PTBP3: variants seen among roughly 807,000 people sequenced by gnomAD.
The protein encoded by PTBP3 is polypyrimidine tract-binding protein 3.
In PTBP3, 20 loss-of-function variants were observed where a neutral mutation model predicts 58.7. That is an observed-to-expected ratio of 0.34 (90% CI 0.24 to 0.50). The LOEUF is 0.50. Among genes scored for constraint, PTBP3 ranks in the 20% least tolerant of loss-of-function variants. The pLI is 0.98. For synonymous variants in PTBP3, 185 were observed against 219.8 expected (o/e 0.84, Z 1.40); for missense variants, 509 against 637.2 (o/e 0.80, Z 2.17).
chr9:112,320,291 A>AAAAAAAATATATATATATATATATAT (rs1411646280), intron 1 of PTBP3, among the ~76,000 whole-genome samples: 1 of 73,568 alleles, frequency 1.4e-5, no homozygotes, highest in African/African-American at 9.0e-5. Context: ...AAAAAAAAAA[A>AAAAAAAATATATATATATATATATAT]ATATATATAT....
intron 1 of PTBP3, among the ~76,000 whole-genome samples, chr9:112,314,297 T>G (rs1442469319): frequency 2.0e-5 from 3 of 152,198 alleles, no homozygotes; most frequent in Non-Finnish European, 2.9e-5. Flanking sequence ...ATTACTGAGA[T>G]AAAAATGTAT....
rs1263396846 is a variant in PTBP3 at position 112,232,016 on chromosome 9, GAAGAA to G, written c.1020+78_1020+82del. The G allele has an allele frequency of 3.8e-3, 556 of 148,142 alleles. 65 individuals carry two copies. Among genetic ancestry groups the G allele is most frequent in the Non-Finnish European group, 4.9e-3 (513 of 104,102 alleles). The allele number at this position is 148,142 out of a possible 1,614,324, so 9.2% of individuals were successfully genotyped here. A position where few individuals can be genotyped will look rare whatever the true frequency, so the allele number is the denominator to read the frequency against. On this transcript the variant is annotated intron_variant, in intron 9 of 13. Coordinates refer to ENST00000374257, the MANE Select transcript of PTBP3 (RefSeq NM_001163788.4). ...GAAGAGAAGAGAAGAGAAGAGAAGA[GAAGAA>G]AAGAAAAGAAAGAAAGAAAAAAGTG...
intron 12 of PTBP3, 49 bp from the exon 13 acceptor site, chr9:112,224,259 G>A (rs768995568): frequency 6.6e-5 from 76 of 1,157,888 alleles, no homozygotes; most frequent in Middle Eastern, 4.1e-4. Context: ...ATTCTCAAGT[G>A]AAGCAGATTA....
At chr9:112,372,015 C>T in the PTBP3 span, among the ~76,000 whole-genome samples, 2 of 152,032 alleles carry the variant, frequency 1.3e-5, no homozygotes, top group Admixed American at 6.6e-5. Context: ...AAAAAGGGGG[C>T]TGGGTCTTGA....
chr9:112,291,154 G>A lies in PTBP3; in HGVS notation c.34+6678C>T, dbSNP rs140949070. Among the ~76,000 whole-genome samples, 1,310 of 152,132 alleles carry A rather than the reference G, an allele frequency of 8.6e-3. 22 individuals carry two copies. Among genetic ancestry groups the A allele is most frequent in the African/African-American group, 0.03 (1,248 of 41,500 alleles). ...GGATAATCACTTCAACCTGGGAGGC[G>A]GAGGTTGCAGTGAGCCAAGATTGTG... On this transcript the variant is annotated intron_variant, in intron 2 of 13. Coordinates refer to ENST00000374257, the MANE Select transcript of PTBP3 (RefSeq NM_001163788.4).
the PTBP3 span, among the ~76,000 whole-genome samples, chr9:112,375,798 G>C: frequency 6.6e-6 from 1 of 152,156 alleles, no homozygotes; most frequent in African/African-American, 2.4e-5. Flanking sequence ...GTTCATGATA[G>C]GCAGTTCAGG....
At chr9:112,340,261 C>T in the PTBP3 span, among the ~76,000 whole-genome samples, 2 of 152,194 alleles carry the variant, frequency 1.3e-5, no homozygotes, top group Non-Finnish European at 2.9e-5. Flanking sequence ...GTTTCTGAAA[C>T]TGTTTATTGT....
chr9:112,282,863 C>G (rs1347617425), intron 2 of PTBP3, among the ~76,000 whole-genome samples: 2 of 152,056 alleles, frequency 1.3e-5, no homozygotes, highest in Admixed American at 6.5e-5. Flanking sequence ...TCCCATAGTC[C>G]TGATGTGTCG....
intron 2 of PTBP3, among the ~76,000 whole-genome samples, chr9:112,295,331 A>G (rs1828629942): frequency 2.0e-5 from 3 of 151,786 alleles, no homozygotes; most frequent in African/African-American, 7.3e-5. Context: ...TGACAATGTT[A>G]TCAGGCTCTA....
At chr9:112,232,054 A>ACCTT in intron 9 of PTBP3, 45 bp downstream of exon 9, 1 of 1,511,048 alleles carries the variant, frequency 6.6e-7, no homozygotes, top group Non-Finnish European at 8.9e-7. Context: ...GTGCTACTAT[A>ACCTT]CCTTCTCCTG....
chr9:112,230,853 C>T (rs562609107), intron 10 of PTBP3, among the ~76,000 whole-genome samples: 35 of 152,272 alleles, frequency 2.3e-4, no homozygotes, highest in Admixed American at 1.2e-3. Flanking sequence ...AAACCTGAAT[C>T]GCATTATACC....
chr9:112,283,153 G>A (rs542599610), intron 2 of PTBP3, among the ~76,000 whole-genome samples: 7 of 152,280 alleles, frequency 4.6e-5, no homozygotes, highest in African/African-American at 1.7e-4. Flanking sequence ...TTATAGCAGT[G>A]TGAGAACAGA....
chr9:112,233,942 C>CAACA (rs111598131), intron 8 of PTBP3, among the ~76,000 whole-genome samples: 8 of 150,014 alleles, frequency 5.3e-5, no homozygotes, highest in African/African-American at 9.8e-5. Flanking sequence ...ACAACAACAA[C>CAACA]AAAAAAAAGA....
intron 1 of PTBP3, chr9:112,330,560 A>G (rs1007606048): frequency 6.0e-6 from 5 of 834,200 alleles, no homozygotes; most frequent in African/African-American, 1.8e-5. Context: ...AATAAAGGGG[A>G]AAAAGCATTA....
chr9:112,327,055 C>A (rs1819076585), intron 1 of PTBP3, among the ~76,000 whole-genome samples: 1 of 151,422 alleles, frequency 6.6e-6, no homozygotes, highest in African/African-American at 2.4e-5. Context: ...TTCGTCTCTA[C>A]AAAAAAACTT....
At chr9:112,320,314 A>ATATATATATATTTT in intron 1 of PTBP3, among the ~76,000 whole-genome samples, 1,684 of 75,424 alleles carry the variant, frequency 0.022, 42 homozygotes, top group Non-Finnish European at 0.032. Flanking sequence ...ATATATATAT[A>ATATATATATATTTT]TTTTTTTTTA....
the PTBP3 span, among the ~76,000 whole-genome samples, chr9:112,377,498 T>A: frequency 3.3e-5 from 5 of 152,210 alleles, no homozygotes; most frequent in Admixed American, 2.0e-4. Context: ...TTAGTTCCCA[T>A]TGTCAAGCTT....
At chr9:112,284,536 T>C (rs73539746) in intron 2 of PTBP3, among the ~76,000 whole-genome samples, 4 of 151,952 alleles carry the variant, frequency 2.6e-5, no homozygotes, top group Admixed American at 6.6e-5. Flanking sequence ...AGTCTGCTAA[T>C]AGCACAAAAA....
At chr9:112,363,893 C>T in the PTBP3 span, among the ~76,000 whole-genome samples, 2 of 152,102 alleles carry the variant, frequency 1.3e-5, no homozygotes, top group Admixed American at 1.3e-4. Context: ...TGTGTTGTAC[C>T]TTCTGTGAAT....
Sources: gnomAD v4.1 joint callset for allele counts (sites outside exome capture counted in the v4.1 genomes callset) on GRCh38, gnomAD v4.1.1 for gene constraint, MANE v1.5 for transcripts, NCBI Gene and HGNC (gene_info 2026-07-23, HGNC 2026-07-21) for gene names.